The following CPSF2 variants were observed in gnomAD, a reference collection of about 807,000 sequenced individuals.
The protein encoded by CPSF2 is cleavage and polyadenylation specificity factor subunit 2.
In CPSF2, 51 loss-of-function variants were observed where a neutral mutation model predicts 84.2. The observed-to-expected ratio is 0.61, with a 90% CI of 0.48 to 0.77. The LOEUF (loss-of-function observed/expected upper bound fraction) is 0.77. CPSF2 is among the 30% of genes least tolerant of loss of function. The pLI is 0.00. For synonymous variants in CPSF2, 286 were observed against 311.9 expected (o/e 0.92, Z 0.87); for missense variants, 641 against 929.4 (o/e 0.69, Z 4.03).
intron 3 of CPSF2, among the ~76,000 whole-genome samples, chr14:92,132,701 G>GGT (rs1376617461): frequency 6.6e-6 from 1 of 151,680 alleles, no homozygotes; most frequent in African/African-American, 2.4e-5. Context: ...GAACCTGGGA[G>GGT]GCGGAGGTTG....
chr14:92,161,804 ACT>A lies in CPSF2; in HGVS notation c.*63_*64del, dbSNP rs1409750734. ...TCTAAGAAAAAGGGATTCTTATCTT[ACT>A]CTGAGCTTTTGATGTTTTGTTTTGT... On this transcript the variant is annotated 3_prime_UTR_variant, in exon 16 of 16. Transcript: ENST00000298875. 1.1e-6 allele frequency: 1 copy of A among 940,332 alleles called. No individual in the cohort carries two copies. The highest frequency in any genetic ancestry group is 2.8e-5 in the East Asian group (1 of 35,950). The allele number at this position is 940,332 out of a possible 1,614,324, so 58.2% of individuals were successfully genotyped here. A position where few individuals can be genotyped will look rare whatever the true frequency, so the allele number is the denominator to read the frequency against.
chr14:92,142,397 G>C, intron 8 of CPSF2, 46 bp downstream of exon 8: 1 of 1,457,314 alleles, frequency 6.9e-7, no homozygotes, highest in Non-Finnish European at 9.3e-7. Context: ...TACAGTGATT[G>C]GGTCTGTGGA....
At chr14:92,122,372 C>G (rs770848088) in intron 1 of CPSF2, 67 of 163,062 alleles carry the variant, frequency 4.1e-4, no homozygotes, top group South Asian at 1.1e-3. Context: ...CTCCCGGGAT[C>G]TTCTTCCCTC....
At chr14:92,127,052 A>G (rs542887491) in intron 2 of CPSF2, among the ~76,000 whole-genome samples, 18 of 152,258 alleles carry the variant, frequency 1.2e-4, no homozygotes, top group African/African-American at 4.3e-4. Flanking sequence ...AGAAACATTT[A>G]TCGGCTACCA....
chr14:92,155,067 T>A, intron 10 of CPSF2, 56 bp from the exon 11 acceptor site: 7 of 1,101,774 alleles, frequency 6.4e-6, no homozygotes, highest in Non-Finnish European at 9.4e-6. Flanking sequence ...TGATAAATAT[T>A]AATTTAAAAT....
intron 7 of CPSF2, among the ~76,000 whole-genome samples, chr14:92,139,621 C>T (rs2069048235): frequency 6.6e-6 from 1 of 150,828 alleles, no homozygotes; most frequent in Non-Finnish European, 1.5e-5. Flanking sequence ...TCACTGCAAC[C>T]TTCACTTCCC....
chr14:92,127,247 G>T (rs945686133), intron 2 of CPSF2, among the ~76,000 whole-genome samples: 3 of 152,186 alleles, frequency 2.0e-5, no homozygotes, highest in African/African-American at 7.2e-5. Context: ...GAATGATGTT[G>T]TAATGGATGT....
In CPSF2 at chr14:92,142,152, C is replaced by T; in HGVS notation, c.662-12C>T. On this transcript the variant is annotated splice_polypyrimidine_tract_variant and intron_variant, in intron 7 of 15. Transcript: ENST00000298875. ...TTACGTTCTATGGGGATTTTACATT[C>T]TTGTTTTCTAGCAAATGTCCTGGAA... The T allele has an allele frequency of 1.3e-6, 2 of 1,578,636 alleles. No homozygotes were observed. The highest frequency in any genetic ancestry group is 1.7e-6 in the Non-Finnish European group (2 of 1,157,884).
At chr14:92,127,195 A>C (rs1334654525) in intron 2 of CPSF2, among the ~76,000 whole-genome samples, 1 of 152,218 alleles carries the variant, frequency 6.6e-6, no homozygotes, top group Non-Finnish European at 1.5e-5. Flanking sequence ...AAGTAAATAA[A>C]TAAGTAGCAA....
At position 92,134,086 on chromosome 14, in the gene CPSF2, C is replaced by G; in HGVS notation, c.225C>G (p.Val75=). 1 of 1,614,108 alleles carries G rather than the reference C, an allele frequency of 6.2e-7. No individual in the cohort carries two copies. The highest frequency in any genetic ancestry group is 8.5e-7 in the Non-Finnish European group (1 of 1,179,988). ...PLHLGALPYA[V]GKLGLNCAIY... ...ACCTTGGTGCCCTCCCGTATGCTGTCGGAAAGTTGGGTCTGAACTGTGCTA... is the reference window on the plus strand; with the variant it reads ...ACCTTGGTGCCCTCCCGTATGCTGTGGGAAAGTTGGGTCTGAACTGTGCTA... The change falls in exon 4 of 16, where the codon GTC becomes GTG. Residue 75 remains valine, a synonymous_variant. Coordinates refer to ENST00000298875, the MANE Select transcript of CPSF2 (RefSeq NM_017437.3).
At chr14:92,130,782 TA>T (rs374296504) in intron 2 of CPSF2, among the ~76,000 whole-genome samples, 168 bp from the exon 3 acceptor site, 110 of 146,686 alleles carry the variant, frequency 7.5e-4, no homozygotes, top group Admixed American at 6.2e-4. Flanking sequence ...TGCTTTCACT[TA>T]AAAAAAAAAA....
At chr14:92,155,908 TACTG>T (rs1244742971) in intron 11 of CPSF2, among the ~76,000 whole-genome samples, 1 of 152,186 alleles carries the variant, frequency 6.6e-6, no homozygotes, top group Non-Finnish European at 1.5e-5. Context: ...ACAAAATCTA[TACTG>T]ACTATTAGAA....
chr14:92,157,240 G>T lies in CPSF2; in HGVS notation c.1596-419G>T, dbSNP rs1159823413. Among the ~76,000 whole-genome samples, 1 of 152,176 alleles carries T rather than the reference G, an allele frequency of 6.6e-6. No homozygotes were observed. Among genetic ancestry groups the T allele is most frequent in the Admixed American group, 6.5e-5 (1 of 15,272 alleles). ...AATACAGATAGGGCCGGGCACGGTG[G>T]CTGATGCCTGTAATCCCAGCACTTT... On this transcript the variant is annotated intron_variant, in intron 12 of 15. Transcript: ENST00000298875. The surrounding 1 kb of genome is among the most constrained non-coding windows in gnomAD (Gnocchi z 4.0).
chr14:92,133,833 G>A (rs17807992), intron 3 of CPSF2, among the ~76,000 whole-genome samples, 178 bp from the exon 4 acceptor site: 5,002 of 152,176 alleles, frequency 0.033, 119 homozygotes, highest in Non-Finnish European at 0.053. Flanking sequence ...ATTTTTTGTA[G>A]CTATGGAGAG....
At chr14:92,143,372 A>T in intron 9 of CPSF2, 78 bp downstream of exon 9, 1 of 970,922 alleles carries the variant, frequency 1.0e-6, no homozygotes, top group Non-Finnish European at 1.5e-6. Context: ...ATAGTGACCA[A>T]AAATAAAACT....
chr14:92,133,016 G>A (rs1283422112), intron 3 of CPSF2, among the ~76,000 whole-genome samples: 2 of 152,056 alleles, frequency 1.3e-5, no homozygotes, highest in Admixed American at 1.3e-4. Context: ...GCTTGAACCG[G>A]GCGGTGGAGG....
chr14:92,134,203 A>C (rs1567018063), intron 4 of CPSF2, 33 bp downstream of exon 4: 3 of 1,611,004 alleles, frequency 1.9e-6, no homozygotes, highest in Non-Finnish European at 2.5e-6. Flanking sequence ...TTTTGTTAGC[A>C]CTCCTTCAGT....
intron 2 of CPSF2, among the ~76,000 whole-genome samples, chr14:92,127,022 A>T (rs1014840870): frequency 1.3e-5 from 2 of 152,112 alleles, no homozygotes; most frequent in Non-Finnish European, 2.9e-5. Context: ...AATACTAGCC[A>T]TGCCCCATTC....
At chr14:92,159,733 AAAGAG>A (rs1342536072) in intron 14 of CPSF2, among the ~76,000 whole-genome samples, 2 of 152,184 alleles carry the variant, frequency 1.3e-5, no homozygotes, top group African/African-American at 4.8e-5. Context: ...AGTTTTTAAA[AAAGAG>A]AACTTGTGAC....
Sources: allele counts gnomAD v4.1 joint callset (sites outside exome capture counted in the v4.1 genomes callset), GRCh38; gene constraint gnomAD v4.1.1; non-coding constraint Gnocchi (gnomAD v3.1); transcripts MANE v1.5; gene names NCBI Gene and HGNC (gene_info 2026-07-23, HGNC 2026-07-21).